Variants in CHRM4 observed in about 807,000 individuals in gnomAD.
The protein encoded by CHRM4 is cholinergic receptor muscarinic 4.
In CHRM4, 5 loss-of-function variants were observed where a neutral mutation model predicts 26.3. The observed-to-expected ratio is 0.19, with a 90% CI of 0.10 to 0.40. The LOEUF (loss-of-function observed/expected upper bound fraction) is 0.40, where lower values mean the gene tolerates loss of function less well. Among genes scored for constraint, CHRM4 ranks in the 10% least tolerant of loss-of-function variants. The pLI, the probability that CHRM4 is intolerant of heterozygous loss-of-function variation, is 1.00. For synonymous variants in CHRM4, 290 were observed against 285.3 expected, an observed-to-expected ratio of 1.02 and a Z score of -0.16; for missense variants, 402 against 664.5, an observed-to-expected ratio of 0.60 and a Z score of 4.34.
Position 46,385,451 on chromosome 11 carries a change from AG to A in CHRM4, c.1106del (p.Pro369LeufsTer30). On this transcript the variant is annotated frameshift_variant, in exon 2 of 2. Transcript: ENST00000682254. LOFTEE classifies it high-confidence loss of function. This position sits in a 1 kb window ranked among gnomAD's most constrained non-coding sequence, Gnocchi z 6.3. The part of the protein sequence containing the change: ...IVPATPAGMR[P>X]AANVARKFAS... ...CGAACTTGCGGGCCACGTTGGCCGCAGGGCGCATGCCAGCCGGCGTGGCAGG... is the reference window on the plus strand; with the variant it reads ...CGAACTTGCGGGCCACGTTGGCCGCAGGCGCATGCCAGCCGGCGTGGCAGG... 6.2e-7 allele frequency: 1 copy of A among 1,606,442 alleles called. No individual in the cohort carries two copies. Among genetic ancestry groups the A allele is most frequent in the Non-Finnish European group, 8.5e-7 (1 of 1,173,972 alleles).
rs1367923110 is a variant in CHRM4 at position 46,391,682 on chromosome 11, G to C, written c.-181C>G. Among the ~76,000 whole-genome samples, 1 of 148,946 alleles carries C rather than the reference G, an allele frequency of 6.7e-6. No individual in the cohort carries two copies. The highest frequency in any genetic ancestry group is 2.4e-5 in the African/African-American group (1 of 41,022). On this transcript the variant is annotated 5_prime_UTR_variant, in exon 1 of 2. Transcript: ENST00000682254. This position sits in a 1 kb window ranked among gnomAD's most constrained non-coding sequence, Gnocchi z 6.3. Reference sequence around the variant, plus strand: ...GGCGGGACGGACGCGCGGCCCCGCGGGCCGGCGGGGCGGGCGGCCGGGCCG... The same window carrying C: ...GGCGGGACGGACGCGCGGCCCCGCGCGCCGGCGGGGCGGGCGGCCGGGCCG...
At position 46,384,824 on chromosome 11, in the gene CHRM4, ATGGT is replaced by A. The variant is rs971727704; in HGVS notation, c.*290_*293del. ...GATGTCCATTCTTCCAGCACTGCTG[ATGGT>A]TGGTCACAGTGGGGCAGGTGCCCAC... On this transcript the variant is annotated 3_prime_UTR_variant, in exon 2 of 2. Coordinates refer to ENST00000682254, the MANE Select transcript of CHRM4 (RefSeq NM_000741.5). 4.6e-5 allele frequency among the ~76,000 whole-genome samples: 7 copies of A among 152,190 alleles called. No homozygotes were observed. The highest frequency in any genetic ancestry group is 1.7e-4 in the African/African-American group (7 of 41,456).
At chr11:46,389,839 C>T (rs1590684755) in intron 1 of CHRM4, among the ~76,000 whole-genome samples, 3 of 152,170 alleles carry the variant, frequency 2.0e-5, no homozygotes, top group Admixed American at 1.3e-4. Flanking sequence ...AGCGCGAGTG[C>T]GAGTTCTGTT....
chr11:46,384,791 C>G lies in CHRM4; in HGVS notation c.*327G>C, dbSNP rs1290132298. ...CCTGAGGGGGCCCTGGGCTTCGGCC[C>G]CCATCCAGATGTCCATTCTTCCAGC... On this transcript the variant is annotated 3_prime_UTR_variant, in exon 2 of 2. Coordinates refer to ENST00000682254, the MANE Select transcript of CHRM4 (RefSeq NM_000741.5). Among the ~76,000 whole-genome samples, 1 of 152,252 alleles carries G rather than the reference C, an allele frequency of 6.6e-6. No homozygotes were observed. Among genetic ancestry groups the G allele is most frequent in the Non-Finnish European group, 1.5e-5 (1 of 68,038 alleles).
In CHRM4 at chr11:46,386,498, C is replaced by T. The variant is rs200084705; in HGVS notation, c.60G>A (p.Thr20=). 46 of 1,613,532 alleles carry T rather than the reference C, an allele frequency of 2.9e-5. No homozygotes were observed. Among genetic ancestry groups the T allele is most frequent in the South Asian group, 1.3e-4 (12 of 91,084 alleles). The change falls in exon 2 of 2, where the codon ACG becomes ACA. Residue 20 remains threonine (T), a synonymous_variant. Transcript: ENST00000682254. The surrounding 1 kb of genome is among the most constrained non-coding windows in gnomAD (Gnocchi z 5.8). ...SSGNQSVRLV[T]SSSHNRYETV... ...TCTCATAGCGATTGTGGGATGATGA[C>T]GTGACCAGGCGCACGGACTGATTGC...
chr11:46,385,455 C>T lies in CHRM4; in HGVS notation c.1103G>A (p.Arg368His), dbSNP rs201538954. ...EIVPATPAGM[R>H]PAANVARKFA... ...CTTGCGGGCCACGTTGGCCGCAGGGCGCATGCCAGCCGGCGTGGCAGGCAC... is the reference window on the plus strand; with the variant it reads ...CTTGCGGGCCACGTTGGCCGCAGGGTGCATGCCAGCCGGCGTGGCAGGCAC... Residue 368 changes from arginine (R) to histidine (H), a missense_variant, in exon 2 of 2, where the codon CGC (arginine) becomes CAC (histidine). Around this residue, in one of 5 missense-constraint regions of CHRM4, gnomAD observed 205 missense variants for 244.0 expected, o/e 0.84. Coordinates refer to ENST00000682254, the MANE Select transcript of CHRM4 (RefSeq NM_000741.5). The surrounding 1 kb of genome is among the most constrained non-coding windows in gnomAD (Gnocchi z 6.3). 4.2e-5 allele frequency: 67 copies of T among 1,602,918 alleles called. No homozygotes were observed. Among genetic ancestry groups the T allele is most frequent in the African/African-American group, 9.4e-5 (7 of 74,706 alleles).
rs2136547092 is a variant in CHRM4, at chr11:46,384,467, G to A, written c.*651C>T. On this transcript the variant is annotated 3_prime_UTR_variant, in exon 2 of 2. Coordinates refer to ENST00000682254, the MANE Select transcript of CHRM4 (RefSeq NM_000741.5). ...CACGGCTCAGCCTGGGATCGCAGAA[G>A]GCCAGACCTCAGTTCCTGAGACAGA... is the stretch of plus-strand genomic sequence containing the variant. Among the ~76,000 whole-genome samples the A allele has an allele frequency of 6.6e-6, 1 of 152,370 alleles. No individual in the cohort carries two copies. The highest frequency in any genetic ancestry group is 3.4e-3 in the Middle Eastern group (1 of 294).
chr11:46,386,598 G>T lies in CHRM4; in HGVS notation c.-29-12C>A, dbSNP rs769403463. 13 of 1,593,574 alleles carry T rather than the reference G, an allele frequency of 8.2e-6. No individual in the cohort carries two copies. Among genetic ancestry groups the T allele is most frequent in the Non-Finnish European group, 1.1e-5 (13 of 1,166,998 alleles). On this transcript the variant is annotated splice_polypyrimidine_tract_variant and intron_variant, in intron 1 of 1. Transcript: ENST00000682254. The surrounding 1 kb of genome is among the most constrained non-coding windows in gnomAD (Gnocchi z 5.8). ...TGGGTAGGCCGTGTCTGGGGAGGAAGGGGAGAGAAAAGCATGAACTACAGG... is the reference window on the plus strand; with the variant it reads ...TGGGTAGGCCGTGTCTGGGGAGGAATGGGAGAGAAAAGCATGAACTACAGG...
In CHRM4 at chr11:46,385,769, G is replaced by T; in HGVS notation, c.789C>A (p.Ala263=). The change falls in exon 2 of 2, where the codon GCC becomes GCA. Residue 263 remains alanine (A), a synonymous_variant. Coordinates refer to ENST00000682254, the MANE Select transcript of CHRM4 (RefSeq NM_000741.5). This position sits in a 1 kb window ranked among gnomAD's most constrained non-coding sequence, Gnocchi z 6.3. ...GCTTGCCATTGCGCAGCTCCTCCCG[G>T]GCGGCCTCCCCGGGCGGGGGCTTCT... The part of the protein sequence containing the change: ...SVKKPPPGEA[A]REELRNGKLE... 6.3e-7 allele frequency: 1 copy of T among 1,597,830 alleles called. No individual in the cohort carries two copies. The highest frequency in any genetic ancestry group is 2.3e-5 in the East Asian group (1 of 44,402).
At position 46,385,728 on chromosome 11, in the gene CHRM4, G is replaced by C. The variant is rs201805055; in HGVS notation, c.830C>G (p.Pro277Arg). 3.0e-5 allele frequency: 47 copies of C among 1,576,230 alleles called. No individual in the cohort carries two copies. The East Asian group carries it at 5.2e-4, about 17-fold the overall frequency. Reference protein sequence around the residue: ...LRNGKLEEAPPPALPPPPRPV... With the variant: ...LRNGKLEEAPRPALPPPPRPV... The stretch of plus-strand genomic sequence containing the variant: ...GCGCGGTGGCGGTGGCAGCGCTGGC[G>C]GGGGGGCCTCCTCCAGCTTGCCATT... The change falls in exon 2 of 2, where the codon CCG (proline) becomes CGG (arginine). Residue 277 changes from proline (P) to arginine (R), a missense_variant. Around this residue, in one of 5 missense-constraint regions of CHRM4, gnomAD observed 205 missense variants for 244.0 expected, o/e 0.84. Transcript: ENST00000682254. The surrounding 1 kb of genome is among the most constrained non-coding windows in gnomAD (Gnocchi z 6.3).
chr11:46,388,506 G>A (rs912447385), intron 1 of CHRM4, among the ~76,000 whole-genome samples: 3 of 152,366 alleles, frequency 2.0e-5, no homozygotes, highest in African/African-American at 4.8e-5. Context: ...CTATTCCACC[G>A]TCGCAGATAC....
chr11:46,391,461 C>A lies in CHRM4; in HGVS notation c.-30+70G>T, dbSNP rs1383339898. Among the ~76,000 whole-genome samples the A allele has an allele frequency of 1.3e-5, 2 of 152,100 alleles. No individual in the cohort carries two copies. Among genetic ancestry groups the A allele is most frequent in the African/African-American group, 2.4e-5 (1 of 41,448 alleles). On this transcript the variant is annotated intron_variant, in intron 1 of 1. Transcript: ENST00000682254. The surrounding 1 kb of genome is among the most constrained non-coding windows in gnomAD (Gnocchi z 6.3). ...TGCTTCCAGCGGGGTCCCCCAGCCC[C>A]GGCCCACTGCCGCTCCCGGCCCGCG...
At chr11:46,390,636 G>A (rs1248798270) in intron 1 of CHRM4, among the ~76,000 whole-genome samples, 1 of 152,252 alleles carries the variant, frequency 6.6e-6, no homozygotes, top group Non-Finnish European at 1.5e-5. Flanking sequence ...GCTAGGGTCG[G>A]GCGGGCCTCG....
chr11:46,386,446 C>G lies in CHRM4; in HGVS notation c.112G>C (p.Val38Leu), dbSNP rs1425342300. ...ETVEMVFIAT[V>L]TGSLSLVTVV... ...GTCACCAGGCTCAGGGAGCCTGTCA[C>G]TGTGGCAATGAAGACCATTTCCACC... Residue 38 changes from valine to leucine, a missense_variant, in exon 2 of 2, where the codon GTG becomes CTG. This residue lies in a region of CHRM4 where 92 missense variants were observed against 133.1 expected (regional missense o/e 0.69). Transcript: ENST00000682254. This position sits in a 1 kb window ranked among gnomAD's most constrained non-coding sequence, Gnocchi z 5.8. 1.2e-6 allele frequency: 2 copies of G among 1,613,902 alleles called. No homozygotes were observed. Among genetic ancestry groups the G allele is most frequent in the South Asian group, 2.2e-5 (2 of 91,090 alleles).
At position 46,385,885 on chromosome 11, in the gene CHRM4, G is replaced by A. The variant is rs1393401639; in HGVS notation, c.673C>T (p.Arg225Ter). ...YIHISLASRS[R>*]VHKHRPEGPK... is the part of the protein sequence containing the mutation. ...CCCTCGGGCCGGTGCTTGTGGACTC[G>A]GCTGCGACTGGCCAGGGAGATGTGG... The change falls in exon 2 of 2, where the codon CGA (arginine) becomes TGA (stop). Residue 225 changes from arginine (R) to a stop codon, truncating the protein, a stop_gained. Transcript: ENST00000682254. LOFTEE classifies it high-confidence loss of function. This position sits in a 1 kb window ranked among gnomAD's most constrained non-coding sequence, Gnocchi z 6.3. 1.2e-6 allele frequency: 2 copies of A among 1,610,552 alleles called. No individual in the cohort carries two copies. The highest frequency in any genetic ancestry group is 1.1e-5 in the South Asian group (1 of 90,632).
In CHRM4 at chr11:46,386,371, G is replaced by A. The variant is rs1229409726; in HGVS notation, c.187C>T (p.Leu63=). ...VMLSIKVNRQ[L]QTVNNYFLFS... ...AGGAAGTAGTTGTTGACTGTCTGCA[G>A]CTGCCTGTTGACCTTGATGGACAGC... The change falls in exon 2 of 2, where the codon CTG becomes TTG. Residue 63 remains leucine, a synonymous_variant. Coordinates refer to ENST00000682254, the MANE Select transcript of CHRM4 (RefSeq NM_000741.5). The surrounding 1 kb of genome is among the most constrained non-coding windows in gnomAD (Gnocchi z 5.8). 2.5e-6 allele frequency: 4 copies of A among 1,613,950 alleles called. No individual in the cohort carries two copies. The Admixed American group carries it at 5.0e-5, about 20-fold the overall frequency.
At chr11:46,389,584 C>T (rs1945373342) in intron 1 of CHRM4, among the ~76,000 whole-genome samples, 2 of 152,234 alleles carry the variant, frequency 1.3e-5, no homozygotes, top group South Asian at 4.1e-4. Flanking sequence ...CAATGTCGGT[C>T]CCTGGTGCCC....
At chr11:46,387,537 G>C (rs746314139) in intron 1 of CHRM4, among the ~76,000 whole-genome samples, 40 of 152,232 alleles carry the variant, frequency 2.6e-4, no homozygotes, top group Middle Eastern at 3.2e-3. Context: ...GCTGTTAAAA[G>C]CCTGACCAAG....
chr11:46,385,195 G>A lies in CHRM4; in HGVS notation c.1363C>T (p.Leu455=), dbSNP rs775701732. ...GTCTTTTTAAAGGTGGCGTTGCACA[G>A]AGCATAGCAGGCAGGGTTGATGGTG... is the stretch of plus-strand genomic sequence containing the variant. ...NSTINPACYA[L]CNATFKKTFR... is the part of the protein sequence containing the mutation. Residue 455 remains leucine (L), a synonymous_variant, in exon 2 of 2, where the codon CTG becomes TTG. Transcript: ENST00000682254. The surrounding 1 kb of genome is among the most constrained non-coding windows in gnomAD (Gnocchi z 6.3). 1 of 1,614,108 alleles carries A rather than the reference G, an allele frequency of 6.2e-7. No homozygotes were observed. Among genetic ancestry groups the A allele is most frequent in the Non-Finnish European group, 8.5e-7 (1 of 1,180,008 alleles).
Sources: gnomAD v4.1 joint callset for allele counts (sites outside exome capture counted in the v4.1 genomes callset) on GRCh38, gnomAD v4.1.1 for gene constraint, gnomAD v4.1.1 regional missense constraint, Gnocchi (gnomAD v3.1) non-coding constraint, MANE v1.5 for transcripts, NCBI Gene and HGNC (gene_info 2026-07-23, HGNC 2026-07-21) for gene names.